ARHGAP6: variants seen among roughly 807,000 people sequenced by gnomAD.
ARHGAP6 encodes rho GTPase-activating protein 6.
In ARHGAP6, 16 loss-of-function variants were observed where a neutral mutation model predicts 55.7. The observed-to-expected ratio is 0.29, with a 90% CI of 0.19 to 0.44. ARHGAP6 has a LOEUF of 0.44. Among genes scored for constraint, ARHGAP6 ranks in the 20% least tolerant of loss-of-function variants. The pLI, the probability that ARHGAP6 is intolerant of heterozygous loss-of-function variation, is 1.00. For synonymous variants in ARHGAP6, 382 were observed against 360.9 expected (o/e 1.06, Z -0.66); for missense variants, 698 against 808.9 (o/e 0.86, Z 1.66).
At chrX:11,143,787 C>G in intron 11 of ARHGAP6, 193 bp downstream of exon 11, 2 of 1,144,862 alleles carry the variant, frequency 1.7e-6, no homozygotes, top group Non-Finnish European at 2.3e-6. Context: ...TCCCAGCCAA[C>G]GACTGGGCTC....
chrX:11,350,346 A>G, intron 1 of ARHGAP6, among the ~76,000 whole-genome samples: 1 of 111,970 alleles, frequency 8.9e-6, no homozygotes, highest in Non-Finnish European at 1.9e-5. Context: ...CTAAAATATA[A>G]TTTTCCCTTA....
chrX:11,165,238 A>G (rs1232879757), intron 9 of ARHGAP6, among the ~76,000 whole-genome samples: 2 of 112,216 alleles, frequency 1.8e-5, no homozygotes, highest in African/African-American at 6.5e-5. Context: ...TCTAGGTGGT[A>G]TGAATGTCAG....
intron 1 of ARHGAP6, among the ~76,000 whole-genome samples, chrX:11,537,298 T>C (rs192276937): frequency 7.1e-5 from 8 of 112,104 alleles, no homozygotes; most frequent in African/African-American, 2.6e-4. Flanking sequence ...TTTTTAGTTG[T>C]TGCAACTGAG....
intron 6 of ARHGAP6, 126 bp from the exon 7 acceptor site, chrX:11,179,578 G>A: frequency 2.5e-6 from 2 of 785,362 alleles, no homozygotes; most frequent in Admixed American, 3.7e-5. Context: ...AGAAGGGGAA[G>A]CAAACAACAT....
At chrX:11,566,654 GC>G (rs1391541203) in intron 1 of ARHGAP6, among the ~76,000 whole-genome samples, 2 of 111,831 alleles carry the variant, frequency 1.8e-5, no homozygotes, top group Non-Finnish European at 3.8e-5. Context: ...ATGTAAAAGA[GC>G]TTTAGAATGT....
intron 2 of ARHGAP6, among the ~76,000 whole-genome samples, chrX:11,222,753 T>A (rs1449503505): frequency 1.8e-5 from 2 of 112,237 alleles, no homozygotes; most frequent in African/African-American, 6.5e-5. Context: ...ACCCTTTTGA[T>A]GGTCTTACTT....
intron 1 of ARHGAP6, among the ~76,000 whole-genome samples, chrX:11,412,991 G>T (rs1233231986): frequency 8.9e-6 from 1 of 112,180 alleles, no homozygotes; most frequent in African/African-American, 3.2e-5. Flanking sequence ...CAGGCCACAG[G>T]TTGCCACTTT....
chrX:11,350,892 CTATAA>C (rs2147670326), intron 1 of ARHGAP6, among the ~76,000 whole-genome samples: 1 of 111,315 alleles, frequency 9.0e-6, no homozygotes, highest in African/African-American at 3.3e-5. Flanking sequence ...AATCTGTTAA[CTATAA>C]TACTTCTGAC....
intron 1 of ARHGAP6, among the ~76,000 whole-genome samples, chrX:11,337,039 C>G (rs1272523300): frequency 9.0e-6 from 1 of 110,941 alleles, no homozygotes; most frequent in Non-Finnish European, 1.9e-5. Flanking sequence ...AGGACTCCTA[C>G]AGCCCACCTG....
chrX:11,315,516 T>C (rs1438671876), intron 1 of ARHGAP6, among the ~76,000 whole-genome samples: 1 of 111,700 alleles, frequency 9.0e-6, no homozygotes, highest in African/African-American at 3.3e-5. Context: ...ACCCCTGTTT[T>C]AGATGATAAG....
Position 11,142,217 on chromosome X carries a change from A to G in ARHGAP6, c.2257+16T>C. 1 of 1,143,600 alleles carries G rather than the reference A, an allele frequency of 8.7e-7. No homozygotes were observed. The highest frequency in any genetic ancestry group is 3.0e-5 in the East Asian group (1 of 32,856). The allele number at this position is 1,143,600 out of a possible 1,213,427, so 94.2% of individuals were successfully genotyped here. The stretch of plus-strand genomic sequence containing the variant: ...TTTAAAAGTAAATGCAATAAAGTTT[A>G]AAATTAATACTTCACCTGTCATTCC... On this transcript the variant is annotated intron_variant, in intron 12 of 12. Coordinates refer to ENST00000337414, the MANE Select transcript of ARHGAP6 (RefSeq NM_013427.3).
At chrX:11,432,459 C>T (rs904774111) in intron 1 of ARHGAP6, among the ~76,000 whole-genome samples, 1 of 112,151 alleles carries the variant, frequency 8.9e-6, no homozygotes, top group African/African-American at 3.2e-5. Flanking sequence ...TTATAGGGTC[C>T]AAACCCAGGA....
chrX:11,510,619 C>A (rs2050776774), intron 1 of ARHGAP6, among the ~76,000 whole-genome samples: 1 of 111,084 alleles, frequency 9.0e-6, no homozygotes, highest in South Asian at 3.8e-4. Context: ...GGATCTAGAA[C>A]CTGAATCAGA....
intron 9 of ARHGAP6, 75 bp from the exon 10 acceptor site, chrX:11,156,701 C>A: frequency 1.2e-6 from 1 of 809,640 alleles, no homozygotes; most frequent in Non-Finnish European, 1.8e-6. Flanking sequence ...GACAATTTTA[C>A]TGTAGCACAA....
intron 1 of ARHGAP6, among the ~76,000 whole-genome samples, chrX:11,538,075 C>T (rs2051121331): frequency 8.9e-6 from 1 of 111,747 alleles, no homozygotes; most frequent in South Asian, 3.7e-4. Flanking sequence ...AGGCTTTTCT[C>T]CTTGTAAATA....
intron 1 of ARHGAP6, among the ~76,000 whole-genome samples, chrX:11,397,363 G>C (rs1393156420): frequency 1.8e-5 from 2 of 111,439 alleles, no homozygotes; most frequent in Admixed American, 1.9e-4. Context: ...TAGCCTGCAA[G>C]GGGCTAAGCA....
intron 1 of ARHGAP6, among the ~76,000 whole-genome samples, chrX:11,377,453 T>C (rs1163076248): frequency 4.5e-5 from 5 of 111,433 alleles, no homozygotes; most frequent in Non-Finnish European, 9.4e-5. Context: ...TCCTTTGGAG[T>C]GATGAAAATA....
At chrX:11,631,385 C>T (rs770853743) in intron 1 of ARHGAP6, among the ~76,000 whole-genome samples, 18 of 109,780 alleles carry the variant, frequency 1.6e-4, no homozygotes, top group Admixed American at 1.5e-3. Flanking sequence ...ATTAGCCAGG[C>T]GTGGTGGCAG....
chrX:11,414,514 G>C (rs1465560709), intron 1 of ARHGAP6, among the ~76,000 whole-genome samples: 2 of 108,696 alleles, frequency 1.8e-5, no homozygotes, highest in Non-Finnish European at 3.8e-5. Context: ...TAATATGGCA[G>C]ACAGTCTACT....
Sources: gnomAD v4.1 joint callset for allele counts (sites outside exome capture counted in the v4.1 genomes callset) on GRCh38, gnomAD v4.1.1 for gene constraint, MANE v1.5 for transcripts, NCBI Gene and HGNC (gene_info 2026-07-23, HGNC 2026-07-21) for gene names.